Variants in FBXW2 observed in about 807,000 individuals in gnomAD.
FBXW2 encodes F-box and WD repeat domain containing 2.
In FBXW2, 12 loss-of-function variants were observed where a neutral mutation model predicts 46.0. The observed-to-expected ratio is 0.26, with a 90% CI of 0.17 to 0.42. The LOEUF is 0.42. Among genes scored for constraint, FBXW2 ranks in the 10% least tolerant of loss-of-function variants. The pLI is 1.00. For synonymous variants in FBXW2, 203 were observed against 209.6 expected (o/e 0.97, Z 0.27); for missense variants, 360 against 537.0 (o/e 0.67, Z 3.26).
At chr9:120,786,890 A>G (rs925461643) in intron 3 of FBXW2, among the ~76,000 whole-genome samples, 1 of 152,224 alleles carries the variant, frequency 6.6e-6, no homozygotes, top group Non-Finnish European at 1.5e-5. Context: ...TAATAATTAT[A>G]TTGTTTCATA....
In FBXW2 at chr9:120,778,509, C is replaced by T. The variant is rs374930740; in HGVS notation, c.527G>A (p.Ser176Asn). Residue 176 changes from serine (S) to asparagine (N), a missense_variant, in exon 4 of 8, where the codon AGC (serine) becomes AAC (asparagine). Ser to Asn is a conservative substitution (Grantham distance 46). Transcript: ENST00000608872. ...DDLSAKLWDV[S>N]TGQCVYGIQT... ...GATGCCATAAACGCACTGCCCTGTGCTCACATCCCACAGCTTTGCAGACAA... is the reference window on the plus strand; with the variant it reads ...GATGCCATAAACGCACTGCCCTGTGTTCACATCCCACAGCTTTGCAGACAA... 7 of 1,614,028 alleles carry T rather than the reference C, an allele frequency of 4.3e-6. No homozygotes were observed. In the African/African-American group the frequency reaches 9.3e-5, roughly 22 times the overall value.
Position 120,786,899 on chromosome 9 carries a change from T to C in FBXW2, c.490+870A>G, listed in dbSNP as rs146480500. 9.4e-3 allele frequency among the ~76,000 whole-genome samples: 1,435 copies of C among 152,342 alleles called. 30 individuals are homozygous for C. The highest frequency in any genetic ancestry group is 0.033 in the African/African-American group (1,364 of 41,582). ...AATTTTTAATAATTATATTGTTTCA[T>C]AAAATTACTTAATTGCCTAGTTAAA... On this transcript the variant is annotated intron_variant, in intron 3 of 7. Transcript: ENST00000608872.
rs1183770232 is a variant in FBXW2, at chr9:120,764,743, G to A, written c.1181C>T (p.Thr394Ile). 3 of 1,614,212 alleles carry A rather than the reference G, an allele frequency of 1.9e-6. No homozygotes were observed. Among genetic ancestry groups the A allele is most frequent in the Non-Finnish European group, 2.5e-6 (3 of 1,180,032 alleles). Reference sequence around the variant, plus strand: ...AGGCCAGCGACTAATCAGGCTCTCTGTCCGCAAGTCCATGATGTACAGGTA... The same window carrying A: ...AGGCCAGCGACTAATCAGGCTCTCTATCCGCAAGTCCATGATGTACAGGTA... Reference protein sequence around the residue: ...NRYLYIMDLRTESLISRWPLP... With the variant: ...NRYLYIMDLRIESLISRWPLP... Residue 394 changes from threonine (T) to isoleucine (I), a missense_variant, in exon 8 of 8, where the codon ACA (threonine) becomes ATA (isoleucine). By Grantham distance (89) the Thr-to-Ile change is moderately conservative (BLOSUM62 -1). Transcript: ENST00000608872.
In FBXW2 at chr9:120,788,294, A is replaced by G; in HGVS notation, c.-20-16T>C. ...AAAAATTTACCTGTGGCACATCAAAATATTGTATTAGTTCTGCTCAAAAAG... is the reference window on the plus strand; with the variant it reads ...AAAAATTTACCTGTGGCACATCAAAGTATTGTATTAGTTCTGCTCAAAAAG... On this transcript the variant is annotated splice_polypyrimidine_tract_variant and intron_variant, in intron 2 of 7. Transcript: ENST00000608872. The G allele has an allele frequency of 6.2e-7, 1 of 1,602,776 alleles. No homozygotes were observed.
At chr9:120,784,412 G>A (rs546555591) in intron 3 of FBXW2, among the ~76,000 whole-genome samples, 74 of 152,152 alleles carry the variant, frequency 4.9e-4, no homozygotes, top group Non-Finnish European at 9.3e-4. Flanking sequence ...AGGAGTTCGA[G>A]ACCAGCCTGG....
rs1464345373 is a variant in FBXW2 at position 120,757,006 on chromosome 9, AATTAG to A, written c.*7548_*7552del. The A allele has an allele frequency of 3.3e-5, 5 of 152,226 alleles. No homozygotes were observed. Among genetic ancestry groups the A allele is most frequent in the Non-Finnish European group, 7.4e-5 (5 of 68,026 alleles). The allele number at this position is 152,226 out of a possible 1,614,324, so 9.4% of individuals were successfully genotyped here. ...GAACTATTATTTCTAAATCAGTGAT[AATTAG>A]ATTAGTGAAATTTTATTTATAGCCA... On this transcript the variant is annotated 3_prime_UTR_variant, in exon 8 of 8. Coordinates refer to ENST00000608872, the MANE Select transcript of FBXW2 (RefSeq NM_012164.4).
chr9:120,778,316 T>C, intron 4 of FBXW2, 35 bp downstream of exon 4: 1 of 1,581,432 alleles, frequency 6.3e-7, no homozygotes, highest in Non-Finnish European at 8.6e-7. Flanking sequence ...AGGATGAGGC[T>C]AAGTTGTAAA....
intron 7 of FBXW2, among the ~76,000 whole-genome samples, chr9:120,770,891 T>C (rs1373311697): frequency 6.6e-6 from 1 of 152,200 alleles, no homozygotes; most frequent in Non-Finnish European, 1.5e-5. Context: ...ACCCTGCAAA[T>C]TTTATTTTTC....
At chr9:120,783,178 T>TA (rs745821304) in intron 3 of FBXW2, among the ~76,000 whole-genome samples, 11 of 151,294 alleles carry the variant, frequency 7.3e-5, no homozygotes, top group Non-Finnish European at 8.9e-5. Flanking sequence ...TTTTACACCC[T>TA]AAAAAAAAAT....
In FBXW2 at chr9:120,792,510, T is replaced by C. The variant is rs1316691755; in HGVS notation, c.-21+639A>G. 8 of 157,900 alleles carry C rather than the reference T, an allele frequency of 5.1e-5. No homozygotes were observed. In the South Asian group the frequency reaches 1.1e-3, roughly 21 times the overall value. The allele number at this position is 157,900 out of a possible 1,614,324, so 9.8% of individuals were successfully genotyped here. On this transcript the variant is annotated intron_variant, in intron 2 of 7. Coordinates refer to ENST00000608872, the MANE Select transcript of FBXW2 (RefSeq NM_012164.4). The stretch of plus-strand genomic sequence containing the variant: ...GAATGAGGGGTCCCTTTTTATTGTA[T>C]ACCTTTTAAAACTGAAAACCATGTT...
chr9:120,788,412 T>A, intron 2 of FBXW2, 134 bp from the exon 3 acceptor site: 1 of 720,672 alleles, frequency 1.4e-6, no homozygotes, highest in South Asian at 1.8e-5. Context: ...ATTACAACTT[T>A]ACAGTTAATA....
chr9:120,762,928 C>T lies in FBXW2; in HGVS notation c.*1631G>A, dbSNP rs1046271400. ...CTGAAGAGCGGCTGAGATTTTTCTACTGCTTGCTCCCTCTACTCTCTCCCT... is the reference window on the plus strand; with the variant it reads ...CTGAAGAGCGGCTGAGATTTTTCTATTGCTTGCTCCCTCTACTCTCTCCCT... On this transcript the variant is annotated 3_prime_UTR_variant, in exon 8 of 8. Coordinates refer to ENST00000608872, the MANE Select transcript of FBXW2 (RefSeq NM_012164.4). 4 of 152,152 alleles carry T rather than the reference C, an allele frequency of 2.6e-5. No individual in the cohort carries two copies. Among genetic ancestry groups the T allele is most frequent in the Admixed American group, 1.3e-4 (2 of 15,282 alleles). The allele number at this position is 152,152 out of a possible 1,614,324, so 9.4% of individuals were successfully genotyped here.
At position 120,787,908 on chromosome 9, in the gene FBXW2, C is replaced by A; in HGVS notation, c.351G>T (p.Leu117Phe). 1 of 1,614,216 alleles carries A rather than the reference C, an allele frequency of 6.2e-7. No homozygotes were observed. Among genetic ancestry groups the A allele is most frequent in the Admixed American group, 1.7e-5 (1 of 60,030 alleles). ...WQIDDSVQDA[L>F]HWKKVYLKAI... ...CCTTCAAATAAACCTTCTTCCAGTG[C>A]AAAGCGTCCTGAACAGAATCATCTA... The change falls in exon 3 of 8, where the codon TTG (leucine) becomes TTT (phenylalanine). Residue 117 changes from leucine to phenylalanine, a missense_variant. Leu to Phe is a conservative substitution (Grantham distance 22). Transcript: ENST00000608872.
intron 5 of FBXW2, among the ~76,000 whole-genome samples, chr9:120,774,055 G>A (rs1331757701): frequency 1.3e-5 from 2 of 152,120 alleles, no homozygotes; most frequent in South Asian, 4.1e-4. Flanking sequence ...TTAATTAGCA[G>A]CTGGGCACGG....
chr9:120,775,750 C>G (rs1202709950), intron 5 of FBXW2, among the ~76,000 whole-genome samples: 1 of 152,122 alleles, frequency 6.6e-6, no homozygotes, highest in Non-Finnish European at 1.5e-5. Flanking sequence ...AAAACACGCC[C>G]ACAATCCCAC....
chr9:120,787,316 A>C (rs1441788980), intron 3 of FBXW2, among the ~76,000 whole-genome samples: 1 of 152,226 alleles, frequency 6.6e-6, no homozygotes, highest in Non-Finnish European at 1.5e-5. Flanking sequence ...GGCATGAGCC[A>C]CTGCGCCCGA....
Position 120,764,751 on chromosome 9 carries a change from G to A in FBXW2, c.1173C>T (p.Asp391=), listed in dbSNP as rs2044244665. 1.2e-6 allele frequency: 2 copies of A among 1,614,080 alleles called. No homozygotes were observed. The highest frequency in any genetic ancestry group is 8.5e-7 in the Non-Finnish European group (1 of 1,180,050). The part of the protein sequence containing the change: ...LFDNRYLYIM[D]LRTESLISRW... ...GACTAATCAGGCTCTCTGTCCGCAA[G>A]TCCATGATGTACAGGTAGCGGTTGT... The change falls in exon 8 of 8, where the codon GAC becomes GAT. Residue 391 remains aspartate, a synonymous_variant. Transcript: ENST00000608872.
chr9:120,788,299 G>A, intron 2 of FBXW2, 21 bp from the exon 3 acceptor site: 4 of 1,592,088 alleles, frequency 2.5e-6, no homozygotes, highest in Non-Finnish European at 3.4e-6. Context: ...TCAAAATATT[G>A]TATTAGTTCT....
At position 120,763,299 on chromosome 9, in the gene FBXW2, T is replaced by C. The variant is rs1034016686; in HGVS notation, c.*1260A>G. 1 of 152,160 alleles carries C rather than the reference T, an allele frequency of 6.6e-6. No individual in the cohort carries two copies. Among genetic ancestry groups the C allele is most frequent in the Admixed American group, 6.5e-5 (1 of 15,278 alleles). 9.4% of individuals were successfully genotyped at this position (152,160 alleles called of 1,614,324 possible). On this transcript the variant is annotated 3_prime_UTR_variant, in exon 8 of 8. Coordinates refer to ENST00000608872, the MANE Select transcript of FBXW2 (RefSeq NM_012164.4). The stretch of plus-strand genomic sequence containing the variant: ...TTACCTGCACGGCTCCCTTAGGCAT[T>C]TGGGTTTGTGAGCCCTCATCTAGGA...
Sources: gnomAD v4.1 joint callset for allele counts (sites outside exome capture counted in the v4.1 genomes callset) on GRCh38, gnomAD v4.1.1 for gene constraint, MANE v1.5 for transcripts, NCBI Gene and HGNC (gene_info 2026-07-23, HGNC 2026-07-21) for gene names.